GLS: variants seen among roughly 807,000 people sequenced by gnomAD.
GLS encodes the protein glutaminase kidney isoform, mitochondrial.
GLS carries 36 observed loss-of-function variants against 86.7 expected under a neutral mutation model. The ratio of observed to expected loss-of-function variants is 0.42; its 90% confidence interval spans 0.32 to 0.55. The LOEUF (loss-of-function observed/expected upper bound fraction) is 0.55. GLS is among the 20% of genes least tolerant of loss of function. The pLI, the probability that GLS is intolerant of heterozygous loss-of-function variation, is 0.17. For missense variants in GLS, 528 were observed against 833.4 expected (o/e 0.63, Z 4.51); for synonymous variants, 317 against 305.9 (o/e 1.04, Z -0.38).
At chr2:190,917,392 T>C (rs549179024) in intron 7 of GLS, among the ~76,000 whole-genome samples, 7 of 152,358 alleles carry the variant, frequency 4.6e-5, no homozygotes, top group African/African-American at 1.7e-4. Context: ...TCTCTTGATA[T>C]TTCCATCACA....
chr2:190,881,349 C>T lies in GLS; in HGVS notation c.265C>T (p.His89Tyr), dbSNP rs934925718. The T allele has an allele frequency of 7.8e-6, 12 of 1,537,202 alleles. No homozygotes were observed. Among genetic ancestry groups the T allele is most frequent in the Non-Finnish European group, 1.1e-5 (12 of 1,141,856 alleles). ...ILQELGKGST[H>Y]PQPGVSPPAA... ...GCAGGAGCTGGGCAAGGGGAGCACG[C>T]ATCCGCAGCCCGGGGTGTCGCCACC... The change falls in exon 1 of 18, where the codon CAT (histidine) becomes TAT (tyrosine). Residue 89 changes from histidine (H) to tyrosine (Y), a missense_variant. By Grantham distance (83) the His-to-Tyr change is moderately conservative (BLOSUM62 2). Coordinates refer to ENST00000320717, the MANE Select transcript of GLS (RefSeq NM_014905.5).
chr2:190,907,716 G>T lies in GLS; in HGVS notation c.980-2547G>T, dbSNP rs540420418. On this transcript the variant is annotated intron_variant, in intron 6 of 17. Transcript: ENST00000320717. Reference sequence around the variant, plus strand: ...TCTTTTTCTACCTTGTAGTGATCGGGTTAATCAACAAATTATTTATATAGC... The same window carrying T: ...TCTTTTTCTACCTTGTAGTGATCGGTTTAATCAACAAATTATTTATATAGC... Among the ~76,000 whole-genome samples, 6 of 152,284 alleles carry T rather than the reference G, an allele frequency of 3.9e-5. No homozygotes were observed. In the South Asian group the frequency reaches 8.3e-4, roughly 21 times the overall value.
intron 1 of GLS, among the ~76,000 whole-genome samples, chr2:190,886,936 AAGTAAT>A (rs1488227938): frequency 6.6e-6 from 1 of 151,842 alleles, no homozygotes; most frequent in African/African-American, 2.4e-5. Flanking sequence ...AAAAAAAAGA[AAGTAAT>A]AGTAAAAGGC....
At chr2:190,882,365 TAAAC>T (rs1255008520) in intron 1 of GLS, among the ~76,000 whole-genome samples, 1 of 152,192 alleles carries the variant, frequency 6.6e-6, no homozygotes, top group Non-Finnish European at 1.5e-5. Flanking sequence ...TGGTTTTTCT[TAAAC>T]AATATGCAAA....
In GLS at chr2:190,934,392, A is replaced by G. The variant is rs1690205671; in HGVS notation, c.1650+2755A>G. 3.2e-6 allele frequency: 3 copies of G among 951,270 alleles called. No homozygotes were observed. In the African/African-American group the frequency reaches 5.3e-5, roughly 17 times the overall value. 58.9% of individuals were successfully genotyped at this position (951,270 alleles called of 1,614,324 possible). On this transcript the variant is annotated intron_variant, in intron 14 of 17. Transcript: ENST00000320717. ...CCTTTTGGGCTAACTTAAGTATTAA[A>G]TTTATATATTTAAATAATTATATTT...
chr2:190,926,597 T>A (rs1357542110), intron 11 of GLS, among the ~76,000 whole-genome samples: 1 of 152,166 alleles, frequency 6.6e-6, no homozygotes, highest in Non-Finnish European at 1.5e-5. Context: ...TATGGGTAAA[T>A]TTGGGTTTGG....
rs750230486 is a variant in GLS, at chr2:190,895,289, A to T, written c.483+41A>T. The T allele has an allele frequency of 1.3e-6, 1 of 773,654 alleles. No homozygotes were observed. The highest frequency in any genetic ancestry group is 2.2e-6 in the Non-Finnish European group (1 of 450,308). The allele number at this position is 773,654 out of a possible 1,614,324, so 47.9% of individuals were successfully genotyped here. On this transcript the variant is annotated intron_variant, in intron 2 of 17. Coordinates refer to ENST00000320717, the MANE Select transcript of GLS (RefSeq NM_014905.5). The surrounding 1 kb of genome is among the most constrained non-coding windows in gnomAD (Gnocchi z 4.2). ...TTTCTATCTTAACTTAAAAAAATCA[A>T]TAATAATAAATATATACAGTATTAT... is the stretch of plus-strand genomic sequence containing the variant.
chr2:190,927,537 C>A (rs113292176), intron 12 of GLS, 55 bp downstream of exon 12: 2 of 1,269,274 alleles, frequency 1.6e-6, no homozygotes, highest in South Asian at 2.8e-5. Context: ...TGAACTGGTT[C>A]TTTTAAAAAT....
chr2:190,933,000 T>TC, intron 14 of GLS: 1 of 1,192,702 alleles, frequency 8.4e-7, no homozygotes, highest in Non-Finnish European at 1.0e-6. Flanking sequence ...AGCTTTTTTT[T>TC]CCTTTTAATC....
chr2:190,964,563 C>T lies in GLS; in HGVS notation c.*1577C>T, dbSNP rs1345792429. The T allele has an allele frequency of 2.0e-5, 3 of 152,172 alleles. No individual in the cohort carries two copies. The highest frequency in any genetic ancestry group is 4.4e-5 in the Non-Finnish European group (3 of 68,040). 9.4% of individuals were successfully genotyped at this position (152,172 alleles called of 1,614,324 possible). A position where few individuals can be genotyped will look rare whatever the true frequency, so the allele number is the denominator to read the frequency against. ...GCCAGTGGCTCCTGCCACTGCCCTC[C>T]CATTACCTAGATGGCACCTCCTTTG... On this transcript the variant is annotated 3_prime_UTR_variant, in exon 18 of 18. Transcript: ENST00000320717. The surrounding 1 kb of genome is among the most constrained non-coding windows in gnomAD (Gnocchi z 5.2).
chr2:190,960,004 T>C (rs183137747), intron 17 of GLS, among the ~76,000 whole-genome samples: 2 of 152,272 alleles, frequency 1.3e-5, no homozygotes, highest in African/African-American at 4.8e-5. Context: ...GGGAAAAATA[T>C]GCCTAGAATA....
At chr2:190,909,927 T>G (rs1346548732) in intron 6 of GLS, among the ~76,000 whole-genome samples, 3 of 152,042 alleles carry the variant, frequency 2.0e-5, no homozygotes, top group African/African-American at 7.2e-5. Flanking sequence ...GGTCCCAGCT[T>G]CTTTGGAGTC....
chr2:190,962,011 A>G lies in GLS; in HGVS notation c.1854-819A>G, dbSNP rs1183842204. Among the ~76,000 whole-genome samples, 2 of 152,198 alleles carry G rather than the reference A, an allele frequency of 1.3e-5. No homozygotes were observed. The highest frequency in any genetic ancestry group is 1.9e-4 in the East Asian group (1 of 5,202). Reference sequence around the variant, plus strand: ...TAGGAAGACAGGCTTCACAGTTTGTAAAGTGTAAGGGAACTACCCATCGTA... The same window carrying G: ...TAGGAAGACAGGCTTCACAGTTTGTGAAGTGTAAGGGAACTACCCATCGTA... On this transcript the variant is annotated intron_variant, in intron 17 of 17. Coordinates refer to ENST00000320717, the MANE Select transcript of GLS (RefSeq NM_014905.5). This position sits in a 1 kb window ranked among gnomAD's most constrained non-coding sequence, Gnocchi z 4.2.
chr2:190,885,427 T>TGA, intron 1 of GLS, among the ~76,000 whole-genome samples: 1 of 152,288 alleles, frequency 6.6e-6, no homozygotes, highest in South Asian at 2.1e-4. Flanking sequence ...TGACCTCAGA[T>TGA]GATCTGCCCG....
chr2:190,900,597 A>G lies in GLS; in HGVS notation c.639A>G (p.Gln213=). The part of the protein sequence containing the change: ...CVQSNIVLLT[Q]AFRRKFVIPD... ...AGAGCAACATTGTTTTGTTGACACA[A>G]GCATTTAGAAGAAAGTTTGTGATTC... is the stretch of plus-strand genomic sequence containing the variant. The change falls in exon 4 of 18, where the codon CAA becomes CAG. Residue 213 remains glutamine, a synonymous_variant. Coordinates refer to ENST00000320717, the MANE Select transcript of GLS (RefSeq NM_014905.5). The G allele has an allele frequency of 6.2e-7, 1 of 1,602,172 alleles. No homozygotes were observed.
Position 190,881,484 on chromosome 2 carries a change from C to A in GLS, c.386+14C>A. ...CTCAGGTGAAAAGTGAGTGTCTCCG[C>A]GAGGCGCAGGAGGCCTCGTTCCTTT... On this transcript the variant is annotated intron_variant, in intron 1 of 17. Transcript: ENST00000320717. 1 of 1,536,086 alleles carries A rather than the reference C, an allele frequency of 6.5e-7. No homozygotes were observed. The highest frequency in any genetic ancestry group is 8.8e-7 in the Non-Finnish European group (1 of 1,140,266).
chr2:190,954,133 A>G lies in GLS; in HGVS notation c.1713-451A>G. 6.6e-6 allele frequency among the ~76,000 whole-genome samples: 1 copy of G among 151,238 alleles called. No individual in the cohort carries two copies. Among genetic ancestry groups the G allele is most frequent in the Non-Finnish European group, 1.5e-5 (1 of 67,866 alleles). On this transcript the variant is annotated intron_variant, in intron 15 of 17. Coordinates refer to ENST00000320717, the MANE Select transcript of GLS (RefSeq NM_014905.5). The surrounding 1 kb of genome is among the most constrained non-coding windows in gnomAD (Gnocchi z 4.0). ...CTCCCATTAATACCTCAAATAACTG[A>G]TTTTCAAAGTGGAAAAATGTCTGTG...
Position 190,881,147 on chromosome 2 carries a change from G to T in GLS, c.63G>T (p.Val21=), listed in dbSNP as rs1428368739. The T allele has an allele frequency of 1.9e-6, 3 of 1,557,554 alleles. No individual in the cohort carries two copies. The highest frequency in any genetic ancestry group is 2.3e-5 in the South Asian group (2 of 86,008). The change falls in exon 1 of 18, where the codon GTG becomes GTT. Residue 21 remains valine, a synonymous_variant. Coordinates refer to ENST00000320717, the MANE Select transcript of GLS (RefSeq NM_014905.5). ...RDLLLRSPAG[V]SATLRRAQPL... The stretch of plus-strand genomic sequence containing the variant: ...TGCTCCTGCGGTCGCCCGCCGGCGT[G>T]AGCGCGACTCTGCGGCGGGCACAGC...
rs778152166 is a variant in GLS, at chr2:190,935,120, TG to T, written c.1650+3484del. ...TTAACATTTCATTTGAAATGCATAT[TG>T]TTCTTGAAGTACTTTGTTTTTAGCA... On this transcript the variant is annotated intron_variant, in intron 14 of 17. Transcript: ENST00000320717. The surrounding 1 kb of genome is among the most constrained non-coding windows in gnomAD (Gnocchi z 4.2). 1.1e-6 allele frequency: 1 copy of T among 942,234 alleles called. No homozygotes were observed. The highest frequency in any genetic ancestry group is 1.3e-6 in the Non-Finnish European group (1 of 790,708). 58.4% of individuals were successfully genotyped at this position (942,234 alleles called of 1,614,324 possible). A position where few individuals can be genotyped will look rare whatever the true frequency, so the allele number is the denominator to read the frequency against.
Sources: gnomAD v4.1 joint callset for allele counts (sites outside exome capture counted in the v4.1 genomes callset) on GRCh38, gnomAD v4.1.1 for gene constraint, Gnocchi (gnomAD v3.1) non-coding constraint, MANE v1.5 for transcripts, NCBI Gene and HGNC (gene_info 2026-07-23, HGNC 2026-07-21) for gene names.